The following ADD1 variants were observed in gnomAD, a reference collection of about 807,000 sequenced individuals.
ADD1 encodes alpha-adducin.
Under a neutral mutation model 80.5 loss-of-function variants are expected in ADD1, and 24 were observed. The observed-to-expected ratio is 0.30, with a 90% CI of 0.22 to 0.42. The LOEUF is 0.42. Ranked by LOEUF, ADD1 falls within the 10% of genes least tolerant of loss-of-function variation. ADD1 has a pLI of 1.00. For missense variants in ADD1, 948 were observed against 1,019.0 expected (o/e 0.93, Z 0.95); for synonymous variants, 373 against 393.8 (o/e 0.95, Z 0.63).
At chr4:2,925,453 C>A (rs1248335367) in intron 14 of ADD1, among the ~76,000 whole-genome samples, 4 of 152,194 alleles carry the variant, frequency 2.6e-5, no homozygotes, top group Non-Finnish European at 5.9e-5. Context: ...GACTTGGAAT[C>A]CTTTTCTATA....
intron 1 of ADD1, among the ~76,000 whole-genome samples, chr4:2,863,716 G>GT (rs965376941): frequency 5.5e-4 from 78 of 140,666 alleles, no homozygotes; most frequent in African/African-American, 1.8e-3. Flanking sequence ...ACTACACCTT[G>GT]TTTTTTTTTG....
At chr4:2,905,912 T>C (rs1736976942) in intron 10 of ADD1, among the ~76,000 whole-genome samples, 2 of 152,164 alleles carry the variant, frequency 1.3e-5, no homozygotes, top group South Asian at 4.1e-4. Flanking sequence ...CCTCTAACAG[T>C]CCACCCAGCT....
At chr4:2,873,957 C>A (rs1730847227) in intron 1 of ADD1, among the ~76,000 whole-genome samples, 1 of 152,138 alleles carries the variant, frequency 6.6e-6, no homozygotes, top group Non-Finnish European at 1.5e-5. Flanking sequence ...TGCCTGTAAT[C>A]CCAGCACTGT....
intron 6 of ADD1, among the ~76,000 whole-genome samples, chr4:2,897,353 C>T (rs971794811): frequency 6.6e-6 from 1 of 150,420 alleles, no homozygotes; most frequent in African/African-American, 2.4e-5. Context: ...CTTTGAGAGT[C>T]AATTTTACTT....
intron 1 of ADD1, among the ~76,000 whole-genome samples, chr4:2,845,176 A>T (rs370273641): frequency 6.6e-6 from 1 of 151,968 alleles, no homozygotes; most frequent in Non-Finnish European, 1.5e-5. Flanking sequence ...AGGTTCAAGC[A>T]ATTCTCCTAC....
chr4:2,854,105 T>C (rs1389308580), intron 1 of ADD1, among the ~76,000 whole-genome samples: 1 of 152,108 alleles, frequency 6.6e-6, no homozygotes, highest in Non-Finnish European at 1.5e-5. Context: ...GCGGATCACC[T>C]GAGATCAGGA....
At position 2,928,629 on chromosome 4, in the gene ADD1, C is replaced by T. The variant is rs970604358; in HGVS notation, c.*106C>T. The T allele has an allele frequency of 2.3e-6, 3 of 1,292,510 alleles. No homozygotes were observed. Among genetic ancestry groups the T allele is most frequent in the Non-Finnish European group, 2.2e-6 (2 of 923,662 alleles). 80.1% of individuals were successfully genotyped at this position (1,292,510 alleles called of 1,614,324 possible). ...TGTAATGGAATGCAAAAAAGCCAAG[C>T]CCTCCGCCTAGAGGTCCCCTCACGT... On this transcript the variant is annotated 3_prime_UTR_variant, in exon 16 of 16. Coordinates refer to ENST00000683351, the MANE Select transcript of ADD1 (RefSeq NM_001354761.2).
intron 1 of ADD1, among the ~76,000 whole-genome samples, chr4:2,854,414 C>G (rs777662101): frequency 1.3e-5 from 2 of 152,170 alleles, no homozygotes; most frequent in Admixed American, 6.5e-5. Context: ...CTCTAATGAT[C>G]TAACTTTTTG....
Position 2,916,447 on chromosome 4 carries a change from G to A in ADD1, c.1948+1407G>A, listed in dbSNP as rs577991412. The stretch of plus-strand genomic sequence containing the variant: ...TTGAACTCGTGATCCGCCCGCCTTG[G>A]CCTCCCAAAGTGCTGTCATTACAGG... On this transcript the variant is annotated intron_variant, in intron 14 of 15. Coordinates refer to ENST00000683351, the MANE Select transcript of ADD1 (RefSeq NM_001354761.2). Among the ~76,000 whole-genome samples, 7 of 152,120 alleles carry A rather than the reference G, an allele frequency of 4.6e-5. No homozygotes were observed. The South Asian group carries it at 1.5e-3, about 32-fold the overall frequency.
At chr4:2,901,146 G>C (rs1484067381) in intron 9 of ADD1, 1 of 152,502 alleles carries the variant, frequency 6.6e-6, no homozygotes, top group Non-Finnish European at 1.5e-5. Flanking sequence ...GCTTGAGAGT[G>C]GGGCAGCCAT....
At chr4:2,851,148 A>G (rs559929868) in intron 1 of ADD1, among the ~76,000 whole-genome samples, 1 of 152,312 alleles carries the variant, frequency 6.6e-6, no homozygotes, top group Admixed American at 6.5e-5. Context: ...CCTGGGCTCA[A>G]GTAATCCTCC....
chr4:2,898,109 G>A, intron 6 of ADD1, 75 bp from the exon 7 acceptor site: 1 of 1,476,486 alleles, frequency 6.8e-7, no homozygotes, highest in Non-Finnish European at 9.1e-7. Context: ...TTTCTGTGAG[G>A]AAAGCATTTA....
Position 2,899,450 on chromosome 4 carries a change from A to C in ADD1, c.1161+15A>C. The C allele has an allele frequency of 6.2e-7, 1 of 1,614,110 alleles. No individual in the cohort carries two copies. The highest frequency in any genetic ancestry group is 8.5e-7 in the Non-Finnish European group (1 of 1,179,952). On this transcript the variant is annotated intron_variant, in intron 9 of 15. Coordinates refer to ENST00000683351, the MANE Select transcript of ADD1 (RefSeq NM_001354761.2). ...TCGATAATCTGGTAAGAATGGTGCC[A>C]CCACTTGATGATAAACCTTTTGTTC... is the stretch of plus-strand genomic sequence containing the variant.
At chr4:2,871,360 A>G (rs558541003) in intron 1 of ADD1, among the ~76,000 whole-genome samples, 1 of 152,322 alleles carries the variant, frequency 6.6e-6, no homozygotes, top group Admixed American at 6.5e-5. Context: ...AAGGGGAAAT[A>G]TGATTGTTAA....
At chr4:2,861,889 C>T (rs1412052978) in intron 1 of ADD1, among the ~76,000 whole-genome samples, 3 of 152,318 alleles carry the variant, frequency 2.0e-5, no homozygotes, top group African/African-American at 4.8e-5. Context: ...GCTTTGAATG[C>T]AGCCTAACAC....
intron 11 of ADD1, 84 bp from the exon 12 acceptor site, chr4:2,908,431 G>T: frequency 8.2e-7 from 1 of 1,223,676 alleles, no homozygotes. Context: ...CATGTGGCTG[G>T]GGCCCAAGTG....
intron 14 of ADD1, among the ~76,000 whole-genome samples, chr4:2,918,300 C>T (rs1371004721): frequency 2.0e-5 from 3 of 152,192 alleles, no homozygotes; most frequent in African/African-American, 7.2e-5. Context: ...GGAGTTCACT[C>T]ATGATTTGAC....
chr4:2,908,504 C>G lies in ADD1; in HGVS notation c.1609-11C>G. 6.2e-7 allele frequency: 1 copy of G among 1,613,134 alleles called. No homozygotes were observed. Among genetic ancestry groups the G allele is most frequent in the Non-Finnish European group, 8.5e-7 (1 of 1,179,106 alleles). ...GGACTGTTGATGTGTGCCTCTCCTT[C>G]CCACCCTCAGATCCGAGAGCAGAAT... is the stretch of plus-strand genomic sequence containing the variant. On this transcript the variant is annotated splice_polypyrimidine_tract_variant and intron_variant, in intron 11 of 15. Coordinates refer to ENST00000683351, the MANE Select transcript of ADD1 (RefSeq NM_001354761.2).
At chr4:2,906,136 GA>G (rs1202300102) in intron 10 of ADD1, among the ~76,000 whole-genome samples, 3 of 152,014 alleles carry the variant, frequency 2.0e-5, no homozygotes, top group Admixed American at 6.5e-5. Flanking sequence ...TTTATTTAAA[GA>G]AAAAAAGTTT....
Sources: allele counts gnomAD v4.1 joint callset (sites outside exome capture counted in the v4.1 genomes callset), GRCh38; gene constraint gnomAD v4.1.1; transcripts MANE v1.5; gene names NCBI Gene and HGNC (gene_info 2026-07-23, HGNC 2026-07-21).